The following PCDH11X variants were observed in gnomAD, a reference collection of about 807,000 sequenced individuals.
PCDH11X encodes the protein protocadherin-11 X-linked.
In PCDH11X, 18 loss-of-function variants were observed where a neutral mutation model predicts 53.3. The observed-to-expected ratio is 0.34, with a 90% confidence interval of 0.23 to 0.50. PCDH11X has a LOEUF of 0.50. Ranked by LOEUF, PCDH11X falls within the 20% of genes least tolerant of loss-of-function variation. The pLI, the probability that PCDH11X is intolerant of heterozygous loss-of-function variation, is 0.98. For synonymous variants in PCDH11X, 279 were observed against 393.3 expected (o/e 0.71, Z 3.44); for missense variants, 570 against 1,032.4 (o/e 0.55, Z 6.14).
chrX:91,823,813 C>T (rs763451727), intron 4 of PCDH11X, among the ~76,000 whole-genome samples: 4 of 111,020 alleles, frequency 3.6e-5, no homozygotes, highest in South Asian at 3.8e-4. Flanking sequence ...TGGCTGGTAC[C>T]GGTTGTTCCT....
chrX:92,604,447 A>G (rs1267532485), intron 10 of PCDH11X, among the ~76,000 whole-genome samples: 1 of 110,814 alleles, frequency 9.0e-6, no homozygotes, highest in Non-Finnish European at 1.9e-5. Context: ...ACATACACAC[A>G]CATATACATA....
intron 8 of PCDH11X, among the ~76,000 whole-genome samples, chrX:92,372,723 T>C (rs2070654864): frequency 9.0e-6 from 1 of 110,925 alleles, no homozygotes; most frequent in African/African-American, 3.3e-5. Context: ...ATAATTAGCT[T>C]ATCAATTGTT....
At chrX:92,609,867 G>A (rs1288450934) in intron 10 of PCDH11X, among the ~76,000 whole-genome samples, 1 of 111,336 alleles carries the variant, frequency 9.0e-6, no homozygotes, top group Non-Finnish European at 1.9e-5. Flanking sequence ...TTCTGTTGCT[G>A]TGTTAATTTG....
chrX:92,569,588 T>G (rs940404332), intron 10 of PCDH11X, among the ~76,000 whole-genome samples: 7 of 111,872 alleles, frequency 6.3e-5, no homozygotes, highest in Admixed American at 9.5e-5. Flanking sequence ...ATGTCTTCCT[T>G]TTTTTAACTT....
At chrX:92,190,862 A>T (rs2066180409) in intron 6 of PCDH11X, among the ~76,000 whole-genome samples, 1 of 111,595 alleles carries the variant, frequency 9.0e-6, no homozygotes, top group Non-Finnish European at 1.9e-5. Context: ...AAACTGAAGA[A>T]CTTTTCACTC....
At chrX:92,520,907 C>G (rs1239532162) in intron 10 of PCDH11X, among the ~76,000 whole-genome samples, 1 of 111,730 alleles carries the variant, frequency 9.0e-6, no homozygotes, top group Admixed American at 9.6e-5. Flanking sequence ...AACTCCTCAT[C>G]TGTTAAAATT....
intron 10 of PCDH11X, among the ~76,000 whole-genome samples, chrX:92,473,028 G>GT (rs1211906145): frequency 1.9e-5 from 2 of 103,191 alleles, no homozygotes; most frequent in African/African-American, 3.6e-5. Flanking sequence ...CTGAAAAAAT[G>GT]TGTTTTTTGT....
chrX:92,182,335 G>T (rs891966876), intron 6 of PCDH11X, among the ~76,000 whole-genome samples: 3 of 112,132 alleles, frequency 2.7e-5, no homozygotes, highest in African/African-American at 9.7e-5. Context: ...TAACTAACTT[G>T]CTTTTCATTT....
At chrX:92,438,214 A>G (rs1488118059) in intron 9 of PCDH11X, among the ~76,000 whole-genome samples, 4 of 111,861 alleles carry the variant, frequency 3.6e-5, no homozygotes, top group Non-Finnish European at 7.5e-5. Context: ...ACGTATCCTG[A>G]ATGATGTCTT....
chrX:92,445,812 A>G (rs1337523127), intron 9 of PCDH11X, among the ~76,000 whole-genome samples: 1 of 110,912 alleles, frequency 9.0e-6, no homozygotes, highest in Non-Finnish European at 1.9e-5. Context: ...TGCTGAAAAA[A>G]TATATATGGG....
intron 6 of PCDH11X, among the ~76,000 whole-genome samples, chrX:92,139,461 G>C (rs997935292): frequency 1.0e-4 from 11 of 107,620 alleles, no homozygotes; most frequent in Non-Finnish European, 1.7e-4. Flanking sequence ...ATGGGGTTTC[G>C]CCATGTTGAC....
intron 8 of PCDH11X, among the ~76,000 whole-genome samples, chrX:92,271,236 C>T (rs10855784): frequency 5.4e-5 from 6 of 111,741 alleles, no homozygotes; most frequent in Non-Finnish European, 9.4e-5. Flanking sequence ...TTTTACAAAA[C>T]GGTAACTTCT....
At chrX:92,282,425 A>G (rs1479294784) in intron 8 of PCDH11X, among the ~76,000 whole-genome samples, 1 of 111,672 alleles carries the variant, frequency 9.0e-6, no homozygotes, top group African/African-American at 3.2e-5. Context: ...AGAATTTAAT[A>G]TATTTTGCAG....
rs2073681582 is a variant in PCDH11X at position 92,488,023 on chromosome X, A to G, written c.3367+19701A>G. ...CAATCATGGCTCACTGTAGCCTCGA[A>G]CTGCTGGGCTCAAGTCATCCTCCTG... On this transcript the variant is annotated intron_variant, in intron 10 of 10. Coordinates refer to ENST00000682573, the MANE Select transcript of PCDH11X (RefSeq NM_032968.5). 2.7e-5 allele frequency among the ~76,000 whole-genome samples: 3 copies of G among 112,635 alleles called. No homozygotes were observed. The South Asian group carries it at 1.1e-3, about 41-fold the overall frequency.
At chrX:92,210,018 C>T (rs1179153501) in intron 7 of PCDH11X, among the ~76,000 whole-genome samples, 1 of 110,724 alleles carries the variant, frequency 9.0e-6, no homozygotes, top group Non-Finnish European at 1.9e-5. Flanking sequence ...GGTGCCATGT[C>T]CTAAGGCTGC....
intron 8 of PCDH11X, among the ~76,000 whole-genome samples, chrX:92,355,541 A>C (rs2070185352): frequency 9.5e-6 from 1 of 105,771 alleles, no homozygotes; most frequent in Non-Finnish European, 1.9e-5. Flanking sequence ...TAAAACATAC[A>C]TTTATCAGTT....
At chrX:92,117,871 C>T (rs187632571) in intron 6 of PCDH11X, among the ~76,000 whole-genome samples, 2 of 112,105 alleles carry the variant, frequency 1.8e-5, no homozygotes, top group East Asian at 5.6e-4. Context: ...TCAGCAGTTA[C>T]ACAGTCCATG....
At chrX:92,183,117 T>C (rs2066024942) in intron 6 of PCDH11X, among the ~76,000 whole-genome samples, 1 of 111,800 alleles carries the variant, frequency 8.9e-6, no homozygotes, top group Non-Finnish European at 1.9e-5. Context: ...ATCCAACCAG[T>C]TTTTATTATC....
At chrX:92,184,068 C>T (rs4568761) in intron 6 of PCDH11X, among the ~76,000 whole-genome samples, 45,995 of 110,252 alleles carry the variant, frequency 0.42, 8,338 homozygotes, top group Non-Finnish European at 0.58. Context: ...TAACTGTAGC[C>T]CCAGCATGTG....
Sources: gnomAD v4.1 joint callset for allele counts (sites outside exome capture counted in the v4.1 genomes callset) on GRCh38, gnomAD v4.1.1 for gene constraint, MANE v1.5 for transcripts, NCBI Gene and HGNC (gene_info 2026-07-23, HGNC 2026-07-21) for gene names.